The following KIF9 variants were observed in gnomAD, a reference collection of about 807,000 sequenced individuals.
KIF9 encodes kinesin-like protein KIF9.
Under a neutral mutation model 94.8 loss-of-function variants are expected in KIF9, and 68 were observed. That is an observed-to-expected ratio of 0.72 (90% CI 0.59 to 0.88). KIF9 has a LOEUF of 0.88. Ranked by LOEUF, KIF9 falls within the 40% of genes least tolerant of loss-of-function variation. The pLI, the probability that KIF9 is intolerant of heterozygous loss-of-function variation, is 0.00. For synonymous variants in KIF9, 343 were observed against 362.1 expected (o/e 0.95, Z 0.60); for missense variants, 882 against 982.5 (o/e 0.90, Z 1.37).
intron 17 of KIF9, chr3:47,239,744 C>A: frequency 1.5e-6 from 2 of 1,302,490 alleles, no homozygotes; most frequent in Non-Finnish European, 2.0e-6. Context: ...TGTGCCACCA[C>A]GCCCTGCTCC....
At chr3:47,235,474 AG>A in intron 20 of KIF9, 38 bp downstream of exon 20, 1 of 1,388,196 alleles carries the variant, frequency 7.2e-7, no homozygotes, top group South Asian at 1.2e-5. Flanking sequence ...CTAGTCACTG[AG>A]GCCCCCATCC....
intron 17 of KIF9, chr3:47,239,720 T>C: frequency 8.1e-7 from 1 of 1,227,230 alleles, no homozygotes; most frequent in Non-Finnish European, 1.1e-6. Flanking sequence ...CCCAAGATGC[T>C]AGGATTACAA....
rs577781124 is a variant in KIF9 at position 47,282,568 on chromosome 3, G to T, written c.-79C>A. 1.9e-6 allele frequency: 2 copies of T among 1,035,024 alleles called. No homozygotes were observed. The highest frequency in any genetic ancestry group is 1.2e-6 in the Non-Finnish European group (1 of 858,874). 64.1% of individuals were successfully genotyped at this position (1,035,024 alleles called of 1,614,324 possible). A position where few individuals can be genotyped will look rare whatever the true frequency, so the allele number is the denominator to read the frequency against. Reference sequence around the variant, plus strand: ...CCACCTGCACTCCCCACGCGGGGCTGCCTGGCTGTGTACATAGTCGCCATG... The same window carrying T: ...CCACCTGCACTCCCCACGCGGGGCTTCCTGGCTGTGTACATAGTCGCCATG... On this transcript the variant is annotated 5_prime_UTR_variant, in exon 1 of 21. Coordinates refer to ENST00000684063, the MANE Select transcript of KIF9 (RefSeq NM_182902.4).
chr3:47,264,181 A>C (rs1318304340), intron 9 of KIF9, 105 bp downstream of exon 9: 4 of 862,762 alleles, frequency 4.6e-6, no homozygotes, highest in Non-Finnish European at 7.9e-6. Context: ...CACTCTTGAC[A>C]ATGTCTATGG....
intron 14 of KIF9, chr3:47,245,155 A>G: frequency 1.6e-6 from 1 of 609,270 alleles, no homozygotes; most frequent in Non-Finnish European, 2.9e-6. Context: ...ACCTCATTCC[A>G]TACTCTGGGG....
intron 16 of KIF9, 62 bp downstream of exon 16, chr3:47,242,989 C>G: frequency 7.5e-7 from 1 of 1,339,520 alleles, no homozygotes; most frequent in Non-Finnish European, 1.0e-6. Context: ...GTACTCTTCA[C>G]ATGTTGAGGA....
chr3:47,237,801 A>G (rs960348629), intron 17 of KIF9, among the ~76,000 whole-genome samples: 2 of 152,178 alleles, frequency 1.3e-5, no homozygotes, highest in South Asian at 4.1e-4. Flanking sequence ...TGGAAAAGCA[A>G]ATGTCTAGAC....
intron 9 of KIF9, among the ~76,000 whole-genome samples, chr3:47,260,480 G>GT (rs1315116821): frequency 3.9e-5 from 6 of 152,198 alleles, no homozygotes; most frequent in African/African-American, 1.4e-4. Context: ...CCACAGGTGT[G>GT]TAGGGGCAAC....
intron 1 of KIF9, chr3:47,281,153 A>T (rs1011836778): frequency 1.6e-6 from 1 of 645,136 alleles, no homozygotes; most frequent in Non-Finnish European, 2.8e-6. Flanking sequence ...TGGAAGTCAG[A>T]GGGCAGCTGA....
chr3:47,276,959 C>T, intron 2 of KIF9: 1 of 153,930 alleles, frequency 6.5e-6, no homozygotes, highest in East Asian at 1.6e-4. Context: ...ACCCCATGGG[C>T]GATTATACAA....
intron 16 of KIF9, among the ~76,000 whole-genome samples, chr3:47,241,978 G>A (rs2107176368): frequency 6.7e-6 from 1 of 149,688 alleles, no homozygotes; most frequent in Middle Eastern, 3.5e-3. Context: ...CGAGCTCCTG[G>A]GCTCAATCAA....
At chr3:47,254,845 GA>G (rs557979387) in intron 10 of KIF9, among the ~76,000 whole-genome samples, 5 of 151,234 alleles carry the variant, frequency 3.3e-5, no homozygotes, top group Non-Finnish European at 7.4e-5. Flanking sequence ...AAAAAAGAAA[GA>G]AAAAAAAGGG....
chr3:47,267,205 T>C lies in KIF9; in HGVS notation c.650A>G (p.His217Arg). The change falls in exon 6 of 21, where the codon CAC becomes CGC. Residue 217 changes from histidine (H) to arginine (R), a missense_variant. His to Arg is a conservative substitution (Grantham distance 29). Coordinates refer to ENST00000684063, the MANE Select transcript of KIF9 (RefSeq NM_182902.4). The stretch of plus-strand genomic sequence containing the variant: ...CTCTAAGTAGATGGTGAAAATGCAG[T>C]GTGATCTGGAAGAGTTTTTGTTCAT... ...HTMNKNSSRS[H>R]CIFTIYLEAH... The C allele has an allele frequency of 6.2e-7, 1 of 1,613,834 alleles. No individual in the cohort carries two copies. Among genetic ancestry groups the C allele is most frequent in the Non-Finnish European group, 8.5e-7 (1 of 1,179,754 alleles).
chr3:47,243,422 G>A, intron 15 of KIF9, 177 bp from the exon 16 acceptor site: 1 of 457,182 alleles, frequency 2.2e-6, no homozygotes, highest in Non-Finnish European at 3.8e-6. Flanking sequence ...AGGCAGATGT[G>A]GAGGAAGAAG....
intron 9 of KIF9, among the ~76,000 whole-genome samples, chr3:47,258,355 C>T (rs1700752018): frequency 6.6e-6 from 1 of 152,206 alleles, no homozygotes; most frequent in Non-Finnish European, 1.5e-5. Context: ...AGGCAATCCT[C>T]CCACCTCAGC....
chr3:47,280,179 A>G (rs807935), intron 1 of KIF9, among the ~76,000 whole-genome samples: 76,159 of 151,818 alleles, frequency 0.5, 20,532 homozygotes, highest in Non-Finnish European at 0.6. Flanking sequence ...GCTGGTCTCA[A>G]ACTCCTGGGT....
At position 47,282,618 on chromosome 3, in the gene KIF9, C is replaced by T. The variant is rs1702471239; in HGVS notation, c.-129G>A. ...GGCAACGGGTCGCTTCCGGGGATTC[C>T]GGAAGTGTCGGGGTGGCGGAAATGA... On this transcript the variant is annotated 5_prime_UTR_variant, in exon 1 of 21. Transcript: ENST00000684063. The T allele has an allele frequency of 1.8e-6, 2 of 1,126,372 alleles. No homozygotes were observed. The highest frequency in any genetic ancestry group is 1.6e-5 in the African/African-American group (1 of 60,998). 69.8% of individuals were successfully genotyped at this position (1,126,372 alleles called of 1,614,324 possible).
At chr3:47,239,997 C>CT in intron 17 of KIF9, 1 of 1,287,048 alleles carries the variant, frequency 7.8e-7, no homozygotes, top group Non-Finnish European at 1.0e-6. Context: ...TTGGAATGGT[C>CT]ACTCACTAAA....
chr3:47,256,154 G>A (rs1375453028), intron 10 of KIF9, among the ~76,000 whole-genome samples: 7 of 152,248 alleles, frequency 4.6e-5, no homozygotes, highest in Non-Finnish European at 8.8e-5. Flanking sequence ...CCAAAAGGCC[G>A]AGATTGCAGC....
Sources: gnomAD v4.1 joint callset for allele counts (sites outside exome capture counted in the v4.1 genomes callset) on GRCh38, gnomAD v4.1.1 for gene constraint, MANE v1.5 for transcripts, NCBI Gene and HGNC (gene_info 2026-07-23, HGNC 2026-07-21) for gene names.